The following QKI variants were observed in gnomAD, a reference collection of about 807,000 sequenced individuals.
QKI encodes QKI, KH domain containing RNA binding.
Under a neutral mutation model 39.0 loss-of-function variants are expected in QKI, and 10 were observed. The ratio of observed to expected loss-of-function variants is 0.26; its 90% CI spans 0.16 to 0.43. The LOEUF (loss-of-function observed/expected upper bound fraction) is 0.43, where lower values mean the gene tolerates loss of function less well. Among genes scored for constraint, QKI ranks in the 20% least tolerant of loss-of-function variants. The probability of loss-of-function intolerance (pLI) is 1.00; values close to 1 mark genes in which losing one functional copy is unlikely to be tolerated. For missense variants in QKI, 218 were observed against 428.0 expected (o/e 0.51, Z 4.33); for synonymous variants, 204 against 155.4 (o/e 1.31, Z -2.33).
rs1562511938 is a variant in QKI at position 163,524,349 on chromosome 6, CTA to C, written c.403-10632_403-10631del. ...TGGTTAAAAAATAAATTATCTTAAGCTACTCTTTTTATTCTGAAAATACATTT... is the reference window on the plus strand; with the variant it reads ...TGGTTAAAAAATAAATTATCTTAAGCCTCTTTTTATTCTGAAAATACATTT... On this transcript the variant is annotated intron_variant, in intron 3 of 7. Transcript: ENST00000361752. 6.5e-4 allele frequency among the ~76,000 whole-genome samples: 21 copies of C among 32,098 alleles called. No homozygotes were observed. In the East Asian group the frequency reaches 0.31, roughly 473 times the overall value. 21.1% of individuals were successfully genotyped at this position (32,098 alleles called of 152,430 possible).
chr6:163,535,348 C>T (rs142176176), intron 4 of QKI, among the ~76,000 whole-genome samples: 230 of 152,166 alleles, frequency 1.5e-3, no homozygotes, highest in Middle Eastern at 3.4e-3. Context: ...AGGGTGACGT[C>T]GCGTAAGAAA....
chr6:163,466,428 C>T (rs1028870228), intron 2 of QKI, among the ~76,000 whole-genome samples: 2 of 123,530 alleles, frequency 1.6e-5, no homozygotes, highest in Non-Finnish European at 3.3e-5. Context: ...CCACAGAAAG[C>T]ACCTAATCGC....
intron 1 of QKI, 93 bp downstream of exon 1, chr6:163,415,428 GC>G (rs1787364639): frequency 6.8e-6 from 9 of 1,315,568 alleles, no homozygotes; most frequent in Non-Finnish European, 9.2e-6. Context: ...GAAGGTCACG[GC>G]CGGGCGGGAC....
intron 3 of QKI, among the ~76,000 whole-genome samples, chr6:163,531,119 T>C (rs964269314): frequency 7.2e-5 from 11 of 152,216 alleles, no homozygotes; most frequent in African/African-American, 2.7e-4. Flanking sequence ...TGTTTTTAGT[T>C]GCAGGAGTTT....
chr6:163,565,264 G>A, intron 6 of QKI: 2 of 986,514 alleles, frequency 2.0e-6, no homozygotes, highest in Non-Finnish European at 2.4e-6. Flanking sequence ...TCCCGTGCAT[G>A]CTCCTTTTCC....
At chr6:163,459,184 C>T (rs552069445) in intron 2 of QKI, among the ~76,000 whole-genome samples, 17 of 152,316 alleles carry the variant, frequency 1.1e-4, no homozygotes, top group African/African-American at 3.8e-4. Context: ...CTGCTTAGGG[C>T]ATGCTCTTAT....
At chr6:163,567,502 G>A (rs1051301331) in intron 7 of QKI, 2 of 984,100 alleles carry the variant, frequency 2.0e-6, no homozygotes, top group South Asian at 9.4e-5. Context: ...TTCTGTGGTG[G>A]TATGAGATCC....
chr6:163,578,532 C>CT lies in QKI; in HGVS notation c.*7826dup, dbSNP rs1187676548. 2 of 152,124 alleles carry CT rather than the reference C, an allele frequency of 1.3e-5. No homozygotes were observed. The highest frequency in any genetic ancestry group is 4.8e-5 in the African/African-American group (2 of 41,414). 9.4% of individuals were successfully genotyped at this position (152,124 alleles called of 1,614,324 possible). ...AATTAAATGATAATATGTTAATATGCTTTTGTTCATTGCTTTCTCACTGAG... is the reference window on the plus strand; with the variant it reads ...AATTAAATGATAATATGTTAATATGCTTTTTGTTCATTGCTTTCTCACTGAG... On this transcript the variant is annotated 3_prime_UTR_variant, in exon 8 of 8. Coordinates refer to ENST00000361752, the MANE Select transcript of QKI (RefSeq NM_006775.3).
rs955385604 is a variant in QKI at position 163,566,152 on chromosome 6, T to C, written c.935-569T>C. ...TGGTTTAGTCTGTAATATTACACAG[T>C]AATGGTAATTTATAAAGGAGTGTAT... On this transcript the variant is annotated intron_variant, in intron 6 of 7. Coordinates refer to ENST00000361752, the MANE Select transcript of QKI (RefSeq NM_006775.3). 1.7e-5 allele frequency: 24 copies of C among 1,394,426 alleles called. No homozygotes were observed. In the South Asian group the frequency reaches 3.9e-4, roughly 23 times the overall value. 86.4% of individuals were successfully genotyped at this position (1,394,426 alleles called of 1,614,324 possible).
chr6:163,456,664 A>T (rs1359027460), intron 2 of QKI, among the ~76,000 whole-genome samples: 1 of 152,196 alleles, frequency 6.6e-6, no homozygotes, highest in African/African-American at 2.4e-5. Context: ...TAAAGGTTAT[A>T]TACATTTACT....
chr6:163,515,384 ACT>A (rs1283988199), intron 3 of QKI, among the ~76,000 whole-genome samples: 1 of 151,952 alleles, frequency 6.6e-6, no homozygotes, highest in South Asian at 2.1e-4. Flanking sequence ...TTCTTAAGAA[ACT>A]CTTGTCACAT....
chr6:163,450,105 T>C (rs976539567), intron 1 of QKI, among the ~76,000 whole-genome samples: 1 of 152,186 alleles, frequency 6.6e-6, no homozygotes, highest in Non-Finnish European at 1.5e-5. Flanking sequence ...TCACCCAGAC[T>C]GTAGTGCAGT....
chr6:163,477,015 G>GT (rs1421278363), intron 2 of QKI, among the ~76,000 whole-genome samples: 1,010 of 78,656 alleles, frequency 0.013, 9 homozygotes, highest in Admixed American at 0.052. Flanking sequence ...GTTTTGTTTT[G>GT]TTTTGTTTTT....
intron 3 of QKI, among the ~76,000 whole-genome samples, chr6:163,498,315 A>G (rs994041220): frequency 2.6e-5 from 4 of 152,120 alleles, no homozygotes; most frequent in Admixed American, 2.6e-4. Context: ...AGAAAGTTTT[A>G]TTGGACAATG....
intron 6 of QKI, chr6:163,564,522 T>G: frequency 6.7e-7 from 1 of 1,500,840 alleles, no homozygotes; most frequent in Non-Finnish European, 8.9e-7. Flanking sequence ...AGTAGTACAG[T>G]ATGGAATAGT....
rs114882574 is a variant in QKI, at chr6:163,456,678, G to T, written c.285+1257G>T. 2.5e-3 allele frequency among the ~76,000 whole-genome samples: 384 copies of T among 152,136 alleles called. 2 individuals are homozygous for T. Among genetic ancestry groups the T allele is most frequent in the African/African-American group, 8.7e-3 (362 of 41,490 alleles). ...TTAAAGGTTATATACATTTACTCTG[G>T]TTTTATAGGTATTTTTGGTTGCAAA... On this transcript the variant is annotated intron_variant, in intron 2 of 7. Coordinates refer to ENST00000361752, the MANE Select transcript of QKI (RefSeq NM_006775.3).
intron 1 of QKI, among the ~76,000 whole-genome samples, chr6:163,431,012 T>A (rs1414908463): frequency 1.3e-5 from 2 of 152,106 alleles, no homozygotes; most frequent in Admixed American, 1.3e-4. Flanking sequence ...GAAATACGGT[T>A]TTTCTTTCTT....
chr6:163,456,818 CAG>C (rs1790956715), intron 2 of QKI, among the ~76,000 whole-genome samples: 1 of 151,802 alleles, frequency 6.6e-6, no homozygotes, highest in South Asian at 2.1e-4. Context: ...GGCTAGGAAT[CAG>C]GGCATCTGAG....
At chr6:163,427,925 T>C (rs1367571874) in intron 1 of QKI, among the ~76,000 whole-genome samples, 1 of 152,186 alleles carries the variant, frequency 6.6e-6, no homozygotes, top group Non-Finnish European at 1.5e-5. Flanking sequence ...AGTCTTAAAA[T>C]TGTATTTCTT....
Sources: allele counts gnomAD v4.1 joint callset (sites outside exome capture counted in the v4.1 genomes callset), GRCh38; gene constraint gnomAD v4.1.1; transcripts MANE v1.5; gene names NCBI Gene and HGNC (gene_info 2026-07-23, HGNC 2026-07-21).